The following ADK variants were observed in gnomAD, a reference collection of about 807,000 sequenced individuals.
The protein encoded by ADK is adenosine kinase.
Under a neutral mutation model 44.7 loss-of-function variants are expected in ADK, and 24 were observed. The ratio of observed to expected loss-of-function variants is 0.54; its 90% CI spans 0.39 to 0.76. ADK has a LOEUF of 0.76. Ranked by LOEUF, ADK falls within the 30% of genes least tolerant of loss-of-function variation. The pLI is 0.00. For synonymous variants in ADK, 128 were observed against 142.6 expected (o/e 0.90, Z 0.73); for missense variants, 321 against 425.1 (o/e 0.76, Z 2.15).
At chr10:74,446,250 A>T (rs1592225903) in intron 6 of ADK, among the ~76,000 whole-genome samples, 1 of 151,926 alleles carries the variant, frequency 6.6e-6, no homozygotes, top group African/African-American at 2.4e-5. Context: ...CCCTTGTTTA[A>T]TTTACTCTTT....
chr10:74,301,202 G>A (rs1252684610), intron 3 of ADK, among the ~76,000 whole-genome samples: 7 of 152,046 alleles, frequency 4.6e-5, no homozygotes, highest in African/African-American at 1.7e-4. Context: ...ATGAATATTT[G>A]CGATCAATTT....
chr10:74,227,273 C>T (rs1354863329), intron 3 of ADK, among the ~76,000 whole-genome samples: 1 of 152,164 alleles, frequency 6.6e-6, no homozygotes, highest in Non-Finnish European at 1.5e-5. Context: ...TTCTTAATTT[C>T]AGTCTGTTAA....
At chr10:74,638,416 C>T (rs1254202157) in intron 9 of ADK, among the ~76,000 whole-genome samples, 1 of 152,108 alleles carries the variant, frequency 6.6e-6, no homozygotes, top group Non-Finnish European at 1.5e-5. Flanking sequence ...AACCTCAACA[C>T]TTTGAGAGGC....
chr10:74,200,929 T>A, intron 2 of ADK, 91 bp downstream of exon 2: 1 of 882,276 alleles, frequency 1.1e-6, no homozygotes, highest in Non-Finnish European at 1.8e-6. Flanking sequence ...CCACCGAATG[T>A]CTTCAATTAA....
At chr10:74,481,888 A>G (rs1471398769) in intron 6 of ADK, among the ~76,000 whole-genome samples, 1 of 152,358 alleles carries the variant, frequency 6.6e-6, no homozygotes, top group African/African-American at 2.4e-5. Context: ...GTCTTAACTC[A>G]GGACAATACA....
At chr10:74,315,783 G>T (rs1840597289) in intron 4 of ADK, among the ~76,000 whole-genome samples, 1 of 152,116 alleles carries the variant, frequency 6.6e-6, no homozygotes, top group Non-Finnish European at 1.5e-5. Context: ...ATACTTCCAA[G>T]CTCAGATTTA....
chr10:74,362,433 C>G (rs973239985), intron 4 of ADK, among the ~76,000 whole-genome samples: 1 of 151,088 alleles, frequency 6.6e-6, no homozygotes, highest in African/African-American at 2.4e-5. Flanking sequence ...TCTTATATTT[C>G]TTTCATAATT....
At chr10:74,451,756 C>G (rs931010808) in intron 6 of ADK, among the ~76,000 whole-genome samples, 1 of 151,826 alleles carries the variant, frequency 6.6e-6, no homozygotes, top group African/African-American at 2.4e-5. Flanking sequence ...TCTCTTTTTA[C>G]AAAGAAGTAA....
intron 7 of ADK, among the ~76,000 whole-genome samples, chr10:74,528,523 G>A (rs1476796839): frequency 4.0e-5 from 6 of 149,570 alleles, no homozygotes; most frequent in Non-Finnish European, 5.9e-5. Flanking sequence ...AGATAAATTA[G>A]ACATCATCAA....
At chr10:74,376,014 A>C (rs1328946842) in intron 4 of ADK, among the ~76,000 whole-genome samples, 1 of 151,794 alleles carries the variant, frequency 6.6e-6, no homozygotes, top group African/African-American at 2.4e-5. Context: ...TTAATGTACT[A>C]ATTCCCTCAT....
intron 6 of ADK, among the ~76,000 whole-genome samples, chr10:74,485,778 A>T (rs1847245775): frequency 6.6e-6 from 1 of 152,186 alleles, no homozygotes; most frequent in Non-Finnish European, 1.5e-5. Context: ...GTGAGAACTT[A>T]AAATGTAAAT....
chr10:74,477,710 C>T (rs959767266), intron 6 of ADK, among the ~76,000 whole-genome samples: 3 of 152,146 alleles, frequency 2.0e-5, no homozygotes, highest in African/African-American at 7.2e-5. Flanking sequence ...CCTTCCCTCT[C>T]CCAATTACTC....
At chr10:74,583,396 A>C (rs1001092519) in intron 7 of ADK, among the ~76,000 whole-genome samples, 1 of 152,246 alleles carries the variant, frequency 6.6e-6, no homozygotes, top group African/African-American at 2.4e-5. Flanking sequence ...ATTGTGAATT[A>C]AAACTTCAAA....
At chr10:74,517,696 A>T (rs1470007011) in intron 6 of ADK, among the ~76,000 whole-genome samples, 1 of 152,022 alleles carries the variant, frequency 6.6e-6, no homozygotes, top group Non-Finnish European at 1.5e-5. Flanking sequence ...CTCAAAAAAA[A>T]AAAAAAAAGA....
chr10:74,284,651 T>C (rs1847090733), intron 3 of ADK, among the ~76,000 whole-genome samples: 1 of 152,244 alleles, frequency 6.6e-6, no homozygotes, highest in Admixed American at 6.5e-5. Flanking sequence ...TGGGTCCCCT[T>C]CCATCTCTCC....
At chr10:74,570,208 G>A (rs1850893649) in intron 7 of ADK, among the ~76,000 whole-genome samples, 1 of 152,050 alleles carries the variant, frequency 6.6e-6, no homozygotes, top group Non-Finnish European at 1.5e-5. Context: ...CAGGTAGCGT[G>A]ATGCCTCCAG....
At chr10:74,415,799 G>T (rs1844347835) in intron 6 of ADK, among the ~76,000 whole-genome samples, 1 of 151,886 alleles carries the variant, frequency 6.6e-6, no homozygotes, top group Admixed American at 6.6e-5. Flanking sequence ...TCTCATAATA[G>T]TTTCAGTGGT....
intron 3 of ADK, among the ~76,000 whole-genome samples, chr10:74,267,757 TGTG>T (rs1564625049): frequency 1.2e-4 from 15 of 127,234 alleles, no homozygotes; most frequent in Non-Finnish European, 1.7e-4. Context: ...TCCTTATTTG[TGTG>T]TGTGTGTGTG....
chr10:74,182,569 G>A (rs536612365), intron 1 of ADK, among the ~76,000 whole-genome samples: 3 of 152,056 alleles, frequency 2.0e-5, no homozygotes, highest in South Asian at 2.1e-4. Flanking sequence ...GGGTTTCATC[G>A]TATTGGTCAG....
Sources: allele counts gnomAD v4.1 joint callset (sites outside exome capture counted in the v4.1 genomes callset), GRCh38; gene constraint gnomAD v4.1.1; transcripts MANE v1.5; gene names NCBI Gene and HGNC (gene_info 2026-07-23, HGNC 2026-07-21).